Variants in CADPS observed in about 807,000 individuals in gnomAD.
CADPS encodes calcium-dependent secretion activator 1.
A neutral mutation model predicts 167.3 loss-of-function variants in CADPS; 57 were observed. The observed-to-expected ratio is 0.34, with a 90% CI of 0.28 to 0.42. CADPS has a LOEUF of 0.42. Ranked by LOEUF, CADPS falls within the 20% of genes least tolerant of loss-of-function variation. CADPS has a pLI of 1.00. For missense variants in CADPS, 1,414 were observed against 1,738.1 expected (o/e 0.81, Z 3.32); for synonymous variants, 676 against 635.3 (o/e 1.06, Z -0.96).
chr3:62,702,950 G>C (rs1283238449), intron 3 of CADPS, among the ~76,000 whole-genome samples: 1 of 152,062 alleles, frequency 6.6e-6, no homozygotes, highest in Non-Finnish European at 1.5e-5. Flanking sequence ...GGAAGCTGAG[G>C]CACAGAGAGG....
intron 1 of CADPS, among the ~76,000 whole-genome samples, chr3:62,830,877 C>T (rs1015745606): frequency 6.6e-6 from 1 of 152,146 alleles, no homozygotes; most frequent in Admixed American, 6.5e-5. Context: ...GGATATGTAA[C>T]ATCCTCACAT....
At chr3:62,704,475 G>C (rs1486777213) in intron 3 of CADPS, among the ~76,000 whole-genome samples, 1 of 151,956 alleles carries the variant, frequency 6.6e-6, no homozygotes, top group African/African-American at 2.4e-5. Context: ...GTATCCAATG[G>C]GGCTCTATTT....
intron 1 of CADPS, among the ~76,000 whole-genome samples, chr3:62,792,138 T>C (rs1376092427): frequency 6.6e-6 from 1 of 152,132 alleles, no homozygotes; most frequent in Non-Finnish European, 1.5e-5. Context: ...AGTACGGACA[T>C]ATTGTTCATT....
At chr3:62,486,338 G>T (rs1035426880) in intron 21 of CADPS, among the ~76,000 whole-genome samples, 2 of 151,508 alleles carry the variant, frequency 1.3e-5, no homozygotes, top group African/African-American at 4.9e-5. Context: ...CCAGCTACTT[G>T]GGAGGCTGAG....
intron 3 of CADPS, among the ~76,000 whole-genome samples, chr3:62,695,907 G>T (rs761027090): frequency 1.3e-5 from 2 of 152,096 alleles, no homozygotes; most frequent in African/African-American, 4.8e-5. Flanking sequence ...GCAACTTCAA[G>T]TTAGTATATA....
chr3:62,614,091 C>A (rs978891034), intron 6 of CADPS, among the ~76,000 whole-genome samples: 2 of 152,122 alleles, frequency 1.3e-5, no homozygotes, highest in African/African-American at 2.4e-5. Context: ...AATTATTAAT[C>A]ACTACCATCA....
At chr3:62,864,396 G>C (rs2081324345) in intron 1 of CADPS, among the ~76,000 whole-genome samples, 1 of 152,182 alleles carries the variant, frequency 6.6e-6, no homozygotes, top group East Asian at 1.9e-4. Context: ...TGTTAGGACT[G>C]CAATAACCAA....
chr3:62,680,970 G>A (rs1162464030), intron 3 of CADPS, among the ~76,000 whole-genome samples: 1 of 151,940 alleles, frequency 6.6e-6, no homozygotes, highest in Non-Finnish European at 1.5e-5. Context: ...TGGGCTCAGT[G>A]CCCACCTTTC....
At chr3:62,785,815 T>G (rs2092362042) in intron 1 of CADPS, among the ~76,000 whole-genome samples, 1 of 152,006 alleles carries the variant, frequency 6.6e-6, no homozygotes, top group South Asian at 2.1e-4. Context: ...GTGCATACTG[T>G]GTCTTGAGAT....
chr3:62,701,153 T>TG (rs35363868), intron 3 of CADPS, among the ~76,000 whole-genome samples: 2 of 152,026 alleles, frequency 1.3e-5, no homozygotes, highest in African/African-American at 4.8e-5. Flanking sequence ...CATATGAATT[T>TG]GGGGGGAGGG....
chr3:62,652,264 T>C (rs1026903994), intron 4 of CADPS, among the ~76,000 whole-genome samples: 1 of 152,112 alleles, frequency 6.6e-6, no homozygotes, highest in South Asian at 2.1e-4. Context: ...GCCATATTAC[T>C]GGCCAATTTC....
chr3:62,560,241 G>A (rs1201719794), intron 9 of CADPS, among the ~76,000 whole-genome samples: 1 of 152,152 alleles, frequency 6.6e-6, no homozygotes, highest in Non-Finnish European at 1.5e-5. Flanking sequence ...ACTTTTTATA[G>A]ACTGATTGAA....
chr3:62,848,013 A>G (rs1237162941), intron 1 of CADPS, among the ~76,000 whole-genome samples: 2 of 110,026 alleles, frequency 1.8e-5, no homozygotes, highest in African/African-American at 4.4e-5. Flanking sequence ...TTTGATTTGC[A>G]TTTCTCTGAT....
intron 1 of CADPS, among the ~76,000 whole-genome samples, chr3:62,834,788 T>A (rs1377450111): frequency 3.9e-5 from 6 of 152,202 alleles, no homozygotes; most frequent in African/African-American, 1.4e-4. Context: ...TATTTAATTC[T>A]AGGTCCAGCC....
chr3:62,458,605 C>G lies in CADPS; in HGVS notation c.3636+6762G>C, dbSNP rs2150230714. On this transcript the variant is annotated intron_variant, in intron 26 of 29. Transcript: ENST00000383710. This position sits in a 1 kb window ranked among gnomAD's most constrained non-coding sequence, Gnocchi z 4.6. The stretch of plus-strand genomic sequence containing the variant: ...CCGAGTTCAAGCAATTCTCCTGGCT[C>G]AGCCTCTCAAGCAGTTGGGATTACA... Among the ~76,000 whole-genome samples, 1 of 152,272 alleles carries G rather than the reference C, an allele frequency of 6.6e-6. No homozygotes were observed. The highest frequency in any genetic ancestry group is 1.5e-5 in the Non-Finnish European group (1 of 68,014).
chr3:62,847,341 A>C (rs2077659975), intron 1 of CADPS, among the ~76,000 whole-genome samples: 1 of 130,294 alleles, frequency 7.7e-6, no homozygotes, highest in Non-Finnish European at 1.6e-5. Context: ...GGTTAGTTAC[A>C]TATGTATACA....
At chr3:62,536,151 C>A (rs538364338) in intron 12 of CADPS, 155 of 274,738 alleles carry the variant, frequency 5.6e-4, no homozygotes, top group African/African-American at 3.1e-3. Context: ...TCTCCACAAG[C>A]AGGTGCCAAA....
chr3:62,766,554 A>C (rs965700836), intron 1 of CADPS, among the ~76,000 whole-genome samples: 17 of 152,196 alleles, frequency 1.1e-4, no homozygotes, highest in Admixed American at 9.8e-4. Flanking sequence ...GACCATATGC[A>C]GGGGTTTTCA....
At chr3:62,597,417 G>C (rs2059086378) in intron 6 of CADPS, among the ~76,000 whole-genome samples, 1 of 152,176 alleles carries the variant, frequency 6.6e-6, no homozygotes, top group Non-Finnish European at 1.5e-5. Flanking sequence ...TCATGGGGAA[G>C]AGAAAGATTT....
Sources: gnomAD v4.1 joint callset for allele counts (sites outside exome capture counted in the v4.1 genomes callset) on GRCh38, gnomAD v4.1.1 for gene constraint, Gnocchi (gnomAD v3.1) non-coding constraint, MANE v1.5 for transcripts, NCBI Gene and HGNC (gene_info 2026-07-23, HGNC 2026-07-21) for gene names.